EVC2: variants seen among roughly 807,000 people sequenced by gnomAD.
The protein encoded by EVC2 is EvC ciliary complex subunit 2.
EVC2 carries 148 observed loss-of-function variants against 149.3 expected under a neutral mutation model. The ratio of observed to expected loss-of-function variants is 0.99; its 90% CI spans 0.87 to 1.14. The LOEUF is 1.14. EVC2 is among the 50% of genes most tolerant of loss of function. EVC2 has a pLI of 0.00. For synonymous variants in EVC2, 776 were observed against 649.9 expected (o/e 1.19, Z -2.95); for missense variants, 1,854 against 1,627.3 (o/e 1.14, Z -2.40).
At chr4:5,560,462 A>T (rs1312718896), downstream of EVC2, among the ~76,000 whole-genome samples, 1 of 152,138 alleles carries the variant, frequency 6.6e-6, no homozygotes, top group African/African-American at 2.4e-5. The surrounding 1 kb of genome is among the most constrained non-coding windows in gnomAD (Gnocchi z 4.1). Flanking sequence ...AAGGAGAAGG[A>T]CTGCCAGCAG....
chr4:5,626,734 G>A (rs1461686132), intron 12 of EVC2, among the ~76,000 whole-genome samples: 3 of 152,118 alleles, frequency 2.0e-5, no homozygotes, highest in African/African-American at 7.2e-5. Flanking sequence ...CAGCATGAGC[G>A]GGCATCATCC....
rs1712105065 is a variant in EVC2, at chr4:5,584,642, A to G, written c.3038T>C (p.Ile1013Thr). The G allele has an allele frequency of 6.2e-7, 1 of 1,613,502 alleles. No homozygotes were observed. Among genetic ancestry groups the G allele is most frequent in the Non-Finnish European group, 8.5e-7 (1 of 1,179,842 alleles). Residue 1013 changes from isoleucine to threonine, a missense_variant, in exon 17 of 22, where the codon ATC becomes ACC. Physicochemically the swap from Ile to Thr is moderately conservative, Grantham distance 89. Transcript: ENST00000344408. ...ACTCACCCGGCTGTGCGACTCCAGG[A>G]TCTGTGTGCAGGCCGACTTGGTCAG... is the stretch of plus-strand genomic sequence containing the variant. ...EMLTKSACTQILESHSRELQE... is the reference protein window; with the variant it reads ...EMLTKSACTQTLESHSRELQE...
downstream of EVC2, among the ~76,000 whole-genome samples, chr4:5,540,461 A>G (rs138843696): frequency 3.9e-5 from 6 of 152,394 alleles, no homozygotes; most frequent in East Asian, 7.7e-4. Flanking sequence ...TAAACAATGT[A>G]TGGTACATCC....
chr4:5,668,493 G>A (rs1001171733), intron 7 of EVC2, among the ~76,000 whole-genome samples: 1 of 152,096 alleles, frequency 6.6e-6, no homozygotes, highest in African/African-American at 2.4e-5. Context: ...TACTCCATTT[G>A]TTCTGGACAT....
chr4:5,603,484 T>C (rs1714153955), intron 16 of EVC2, among the ~76,000 whole-genome samples: 1 of 152,206 alleles, frequency 6.6e-6, no homozygotes, highest in Non-Finnish European at 1.5e-5. Flanking sequence ...GTCAGGTCAC[T>C]GAAAAGCAGC....
rs1298975983 is a variant in EVC2, at chr4:5,568,501, A to G, written c.3500T>C (p.Val1167Ala). 2 of 1,584,672 alleles carry G rather than the reference A, an allele frequency of 1.3e-6. No homozygotes were observed. The highest frequency in any genetic ancestry group is 4.4e-4 in the Middle Eastern group (2 of 4,506). ...GCCATCGCTCTCAGCTGCGTGGTCC[A>G]CATGTCTCTCGGTGGCCGAATCCAG... ...ALLDSATERH[V>A]DHAAESDGGA... The change falls in exon 20 of 22, where the codon GTG becomes GCG. Residue 1167 changes from valine to alanine, a missense_variant. By Grantham distance (64) the Val-to-Ala change is moderately conservative. Transcript: ENST00000344408.
At chr4:5,615,811 G>C (rs536287031) in intron 15 of EVC2, among the ~76,000 whole-genome samples, 1 of 152,348 alleles carries the variant, frequency 6.6e-6, no homozygotes, top group South Asian at 2.1e-4. Context: ...TCTGCAGTCA[G>C]AGAGCAGACC....
At chr4:5,539,122 A>T (rs1721468685), downstream of EVC2, among the ~76,000 whole-genome samples, 1 of 152,166 alleles carries the variant, frequency 6.6e-6, no homozygotes. Flanking sequence ...CAACTAAACC[A>T]ACAAAAATCA....
At chr4:5,694,538 G>C in intron 2 of EVC2, 37 bp from the exon 3 acceptor site, 1 of 1,613,370 alleles carries the variant, frequency 6.2e-7, no homozygotes, top group Non-Finnish European at 8.5e-7. Context: ...ATATAATGCG[G>C]AAAGACAGTA....
At chr4:5,667,926 G>A (rs1216561726) in intron 7 of EVC2, among the ~76,000 whole-genome samples, 2 of 152,172 alleles carry the variant, frequency 1.3e-5, no homozygotes, top group African/African-American at 4.8e-5. Context: ...TAAGAAGATG[G>A]GAATCCTGAA....
chr4:5,611,926 T>C (rs535951479), intron 16 of EVC2, among the ~76,000 whole-genome samples: 6 of 152,316 alleles, frequency 3.9e-5, no homozygotes, highest in African/African-American at 1.4e-4. Context: ...CTACATTATT[T>C]TGTAAAATGC....
rs192193936 is a variant in EVC2, at chr4:5,567,930, G to A, written c.3557+514C>T. Among the ~76,000 whole-genome samples the A allele has an allele frequency of 4.2e-4, 64 of 152,328 alleles. No homozygotes were observed. Among genetic ancestry groups the A allele is most frequent in the Middle Eastern group, 3.4e-3 (1 of 294 alleles). ...TACATAGGGGGATGTTTGCATGAGC[G>A]TTAAAAGGTAAGGAGCAAAATCGCT... On this transcript the variant is annotated intron_variant, in intron 20 of 21. Transcript: ENST00000344408. This position sits in a 1 kb window ranked among gnomAD's most constrained non-coding sequence, Gnocchi z 4.4.
intron 17 of EVC2, among the ~76,000 whole-genome samples, chr4:5,582,314 G>A (rs1261730177): frequency 1.3e-5 from 2 of 152,248 alleles, no homozygotes; most frequent in Non-Finnish European, 2.9e-5. Context: ...AGCTGCCCAA[G>A]GCTTTGGGAG....
At chr4:5,593,288 T>C (rs1279360640) in intron 16 of EVC2, among the ~76,000 whole-genome samples, 3 of 152,196 alleles carry the variant, frequency 2.0e-5, no homozygotes, top group African/African-American at 7.2e-5. Flanking sequence ...GTGCAGTTGG[T>C]CTCTCCAGTC....
intron 9 of EVC2, among the ~76,000 whole-genome samples, chr4:5,649,049 A>C (rs1717925861): frequency 1.3e-5 from 2 of 152,160 alleles, no homozygotes; most frequent in Non-Finnish European, 2.9e-5. Context: ...AATGAAATAC[A>C]CGTATTTTTC....
At chr4:5,649,112 G>A (rs1041852319) in intron 9 of EVC2, among the ~76,000 whole-genome samples, 8 of 152,182 alleles carry the variant, frequency 5.3e-5, no homozygotes, top group Admixed American at 2.0e-4. Context: ...GACATTTTGG[G>A]TTACACATGC....
chr4:5,553,967 G>T (rs1721786214), intron 21 of EVC2, among the ~76,000 whole-genome samples: 1 of 152,060 alleles, frequency 6.6e-6, no homozygotes, highest in African/African-American at 2.4e-5. Flanking sequence ...TGACAGAAAT[G>T]AAAGAATTCA....
chr4:5,622,197 TC>T lies in EVC2; in HGVS notation c.2501+339del, dbSNP rs1436799931. On this transcript the variant is annotated intron_variant, in intron 14 of 21. Transcript: ENST00000344408. This position sits in a 1 kb window ranked among gnomAD's most constrained non-coding sequence, Gnocchi z 5.8. ...TTTCTTATTAGGGGAACCAGCACAT[TC>T]CCATTTATCCCTGAGTAGCTCCCTG... is the stretch of plus-strand genomic sequence containing the variant. Among the ~76,000 whole-genome samples the T allele has an allele frequency of 6.6e-6, 1 of 151,856 alleles. No homozygotes were observed. The highest frequency in any genetic ancestry group is 2.4e-5 in the African/African-American group (1 of 41,342).
intron 16 of EVC2, among the ~76,000 whole-genome samples, chr4:5,596,719 C>A (rs1577136181): frequency 1.3e-5 from 2 of 152,182 alleles, no homozygotes; most frequent in African/African-American, 4.8e-5. Context: ...TAACTAAAAT[C>A]AGAGCAGAAC....
Sources: allele counts gnomAD v4.1 joint callset (sites outside exome capture counted in the v4.1 genomes callset), GRCh38; gene constraint gnomAD v4.1.1; non-coding constraint Gnocchi (gnomAD v3.1); transcripts MANE v1.5; gene names NCBI Gene and HGNC (gene_info 2026-07-23, HGNC 2026-07-21).